COL11A2: variants seen among roughly 807,000 people sequenced by gnomAD.
COL11A2 encodes the protein collagen type XI alpha 2 chain.
Under a neutral mutation model 273.4 loss-of-function variants are expected in COL11A2, and 116 were observed. The ratio of observed to expected loss-of-function variants is 0.42; its 90% confidence interval spans 0.36 to 0.49. The LOEUF is 0.49. Among genes scored for constraint, COL11A2 ranks in the 20% least tolerant of loss-of-function variants. The pLI is 0.00. For synonymous variants in COL11A2, 782 were observed against 864.2 expected, an observed-to-expected ratio of 0.90 and a Z score of 1.67; for missense variants, 1,866 against 2,309.0, an observed-to-expected ratio of 0.81 and a Z score of 3.93.
intron 11 of COL11A2, 43 bp downstream of exon 11, chr6:33,180,625 G>A (rs1562365564): frequency 1.3e-6 from 2 of 1,544,158 alleles, no homozygotes; most frequent in Non-Finnish European, 1.8e-6. Flanking sequence ...GATACCACTA[G>A]CTCCCCCGAA....
chr6:33,186,714 T>G lies in COL11A2; in HGVS notation c.711A>C (p.Gln237His). ...ECEGGQRERP[Q>H]NQQPHRAQRS... ...TCTGGGCTCTGTGAGGCTGTTGGTT[T>G]TGGGGTCTTTCCCTCTGGCCCCCCT... The change falls in exon 5 of 66, where the codon CAA becomes CAC. Residue 237 changes from glutamine to histidine, a missense_variant. Transcript: ENST00000341947. The G allele has an allele frequency of 6.2e-7, 1 of 1,610,884 alleles. No individual in the cohort carries two copies. The highest frequency in any genetic ancestry group is 8.5e-7 in the Non-Finnish European group (1 of 1,178,788).
Position 33,176,716 on chromosome 6 carries a change from C to G in COL11A2, c.2115+5G>C. ...CTCAGGGGATAAAGACATGGAAGAT[C>G]TCACCTGGTTTCCTTTGGTTCCAGG... On this transcript the variant is annotated splice_donor_5th_base_variant and intron_variant, in intron 26 of 65. Coordinates refer to ENST00000341947, the MANE Select transcript of COL11A2 (RefSeq NM_080680.3). This position sits in a 1 kb window ranked among gnomAD's most constrained non-coding sequence, Gnocchi z 4.9. The G allele has an allele frequency of 6.2e-7, 1 of 1,612,820 alleles. No homozygotes were observed. Among genetic ancestry groups the G allele is most frequent in the Non-Finnish European group, 8.5e-7 (1 of 1,179,402 alleles).
rs200635355 is a variant in COL11A2, at chr6:33,179,787, C to G, written c.1378G>C (p.Gly460Arg). 1.2e-6 allele frequency: 2 copies of G among 1,611,706 alleles called. No homozygotes were observed. The highest frequency in any genetic ancestry group is 1.7e-6 in the Non-Finnish European group (2 of 1,180,022). ...LMLPFRFGSG[G>R]GDKGPVVAAQ... ...GCCACCACAGGGCCCTTGTCACCCC[C>G]ACCACTGCCAAACCGGAACTGAGGT... The change falls in exon 13 of 66, where the codon GGG (glycine) becomes CGG (arginine). Residue 460 changes from glycine (G) to arginine (R), a missense_variant. By Grantham distance (125) the Gly-to-Arg change is moderately radical. Coordinates refer to ENST00000341947, the MANE Select transcript of COL11A2 (RefSeq NM_080680.3). This position sits in a 1 kb window ranked among gnomAD's most constrained non-coding sequence, Gnocchi z 6.4.
rs144290562 is a variant in COL11A2, at chr6:33,164,309, C to T, written c.5028G>A (p.Pro1676=). The T allele has an allele frequency of 5.0e-5, 80 of 1,612,974 alleles. No individual in the cohort carries two copies. The highest frequency in any genetic ancestry group is 1.1e-4 in the African/African-American group (8 of 75,040). ...ATTCTTTGACATAGGGGCTAGTCTC[C>T]GGGCTCAGCTCATCCTCATTGGCCC... ...LRGANEDELS[P]ETSPYVKEFR... is the part of the protein sequence containing the mutation. The change falls in exon 65 of 66, where the codon CCG becomes CCA. Residue 1676 remains proline, a synonymous_variant. Coordinates refer to ENST00000341947, the MANE Select transcript of COL11A2 (RefSeq NM_080680.3). The surrounding 1 kb of genome is among the most constrained non-coding windows in gnomAD (Gnocchi z 4.7).
chr6:33,180,381 T>A (rs1319405061), intron 11 of COL11A2, 49 bp from the exon 12 acceptor site: 1 of 1,471,078 alleles, frequency 6.8e-7, no homozygotes, highest in Non-Finnish European at 9.5e-7. Context: ...TAAGGGGACA[T>A]CAAGATCTTA....
chr6:33,170,197 G>A lies in COL11A2; in HGVS notation c.3583-97C>T, dbSNP rs954806211. On this transcript the variant is annotated intron_variant, in intron 48 of 65. Coordinates refer to ENST00000341947, the MANE Select transcript of COL11A2 (RefSeq NM_080680.3). The surrounding 1 kb of genome is among the most constrained non-coding windows in gnomAD (Gnocchi z 4.3). ...AGCAGCCCAAGGTTACAGCAGTGAG[G>A]CAGTGGAGGCCTCCCGGGAGTAAGG... 1.3e-6 allele frequency: 2 copies of A among 1,577,398 alleles called. No homozygotes were observed. Among genetic ancestry groups the A allele is most frequent in the Admixed American group, 1.7e-5 (1 of 59,672 alleles).
Position 33,168,960 on chromosome 6 carries a change from G to A in COL11A2, c.3847C>T (p.Pro1283Ser), listed in dbSNP as rs747418177. The change falls in exon 52 of 66, where the codon CCT becomes TCT. Residue 1283 changes from proline (P) to serine (S), a missense_variant. By Grantham distance (74) the Pro-to-Ser change is moderately conservative. Transcript: ENST00000341947. Reference sequence around the variant, plus strand: ...CTTCTCTGAGTAAGACTCACCCGAGGGCCACCTTCTCCAGGGGGGCCAGGG... The same window carrying A: ...CTTCTCTGAGTAAGACTCACCCGAGAGCCACCTTCTCCAGGGGGGCCAGGG... ...GDPGPPGEGGPRGQDGAKGDR... is the reference protein window; with the variant it reads ...GDPGPPGEGGSRGQDGAKGDR... The A allele has an allele frequency of 6.2e-7, 1 of 1,609,366 alleles. No individual in the cohort carries two copies. Among genetic ancestry groups the A allele is most frequent in the Non-Finnish European group, 8.5e-7 (1 of 1,178,266 alleles).
chr6:33,170,312 C>T lies in COL11A2; in HGVS notation c.3582+14G>A. ...ACACATTGGTCTCAAGGGACAGGGG[C>T]TGAGATGACTCACATCAGCGCCATT... is the stretch of plus-strand genomic sequence containing the variant. On this transcript the variant is annotated intron_variant, in intron 48 of 65. Transcript: ENST00000341947. This position sits in a 1 kb window ranked among gnomAD's most constrained non-coding sequence, Gnocchi z 4.3. 6.2e-7 allele frequency: 1 copy of T among 1,612,804 alleles called. No individual in the cohort carries two copies. Among genetic ancestry groups the T allele is most frequent in the Non-Finnish European group, 8.5e-7 (1 of 1,179,566 alleles).
At position 33,167,440 on chromosome 6, in the gene COL11A2, GC is replaced by G; in HGVS notation, c.4107del (p.Leu1370SerfsTer49). On this transcript the variant is annotated frameshift_variant, in exon 56 of 66. Transcript: ENST00000341947. LOFTEE classifies it high-confidence loss of function. The surrounding 1 kb of genome is among the most constrained non-coding windows in gnomAD (Gnocchi z 6.1). ...CAGTGACTCACCACTGAGCCTGGGA[GC>G]CCCCTCAGACCATCAGGGCCAGGTT... is the stretch of plus-strand genomic sequence containing the variant. ...AGKPGPDGLRGLPGSVGQQGR... is the reference protein window; with the variant it reads ...AGKPGPDGLRXLPGSVGQQGR... The G allele has an allele frequency of 6.2e-7, 1 of 1,612,860 alleles. No homozygotes were observed. Among genetic ancestry groups the G allele is most frequent in the Non-Finnish European group, 8.5e-7 (1 of 1,180,008 alleles).
chr6:33,168,683 TG>T, intron 53 of COL11A2, 22 bp downstream of exon 53: 1 of 1,586,112 alleles, frequency 6.3e-7, no homozygotes, highest in Non-Finnish European at 8.6e-7. Context: ...CTCAGGGGGG[TG>T]GTGGGGTCAC....
At position 33,171,495 on chromosome 6, in the gene COL11A2, G is replaced by A; in HGVS notation, c.3230C>T (p.Pro1077Leu). ...PVGLPGPAGP[P>L]GVAGEDGDKG... ...GTCTCCATCCTCTCCAGCCACACCT[G>A]GAGGCCCAGCAGGACCAGGAAGCCC... Residue 1077 changes from proline (P) to leucine (L), a missense_variant, in exon 43 of 66, where the codon CCA becomes CTA. By Grantham distance (98) the Pro-to-Leu change is moderately conservative. Coordinates refer to ENST00000341947, the MANE Select transcript of COL11A2 (RefSeq NM_080680.3). 6.2e-7 allele frequency: 1 copy of A among 1,613,854 alleles called. No homozygotes were observed. Among genetic ancestry groups the A allele is most frequent in the Non-Finnish European group, 8.5e-7 (1 of 1,179,910 alleles).
At position 33,164,404 on chromosome 6, in the gene COL11A2, C is replaced by T. The variant is rs556677734; in HGVS notation, c.4933G>A (p.Val1645Ile). ...TAGGAGACGTCCTGGTGGGCTGAGA[C>T]GCTGAGCAGCCGCAGGAAGGTGAGC... Reference protein sequence around the residue: ...VQLTFLRLLSVSAHQDVSYPC... With the variant: ...VQLTFLRLLSISAHQDVSYPC... The change falls in exon 65 of 66, where the codon GTC becomes ATC. Residue 1645 changes from valine (V) to isoleucine (I), a missense_variant. Transcript: ENST00000341947. The surrounding 1 kb of genome is among the most constrained non-coding windows in gnomAD (Gnocchi z 4.7). 23 of 1,603,338 alleles carry T rather than the reference C, an allele frequency of 1.4e-5. No individual in the cohort carries two copies. In the East Asian group the frequency reaches 1.8e-4, roughly 13 times the overall value.
chr6:33,173,119 C>T lies in COL11A2; in HGVS notation c.2737-6G>A, dbSNP rs1247001091. 2.5e-6 allele frequency: 4 copies of T among 1,610,954 alleles called. No individual in the cohort carries two copies. The highest frequency in any genetic ancestry group is 2.7e-5 in the African/African-American group (2 of 74,746). ...CCGGTCTTCCCTTGGAAACCCTAGG[C>T]GAGGAAGAGAGGAGAATGCAGTGAA... On this transcript the variant is annotated splice_region_variant and splice_polypyrimidine_tract_variant and intron_variant, in intron 37 of 65. Coordinates refer to ENST00000341947, the MANE Select transcript of COL11A2 (RefSeq NM_080680.3). The surrounding 1 kb of genome is among the most constrained non-coding windows in gnomAD (Gnocchi z 6.3).
At position 33,177,070 on chromosome 6, in the gene COL11A2, G is replaced by A; in HGVS notation, c.2017-25C>T. 1 of 1,612,584 alleles carries A rather than the reference G, an allele frequency of 6.2e-7. No individual in the cohort carries two copies. The highest frequency in any genetic ancestry group is 8.5e-7 in the Non-Finnish European group (1 of 1,179,826). The stretch of plus-strand genomic sequence containing the variant: ...CCTGCAGGAAGACAAAGAGGCTCAG[G>A]GTCACTAGAGGGGTCATGTCTGGAC... On this transcript the variant is annotated intron_variant, in intron 24 of 65. Coordinates refer to ENST00000341947, the MANE Select transcript of COL11A2 (RefSeq NM_080680.3). This position sits in a 1 kb window ranked among gnomAD's most constrained non-coding sequence, Gnocchi z 5.9.
rs377242569 is a variant in COL11A2, at chr6:33,171,151, G to A, written c.3329C>T (p.Pro1110Leu). 2 of 1,600,840 alleles carry A rather than the reference G, an allele frequency of 1.2e-6. No individual in the cohort carries two copies. Among genetic ancestry groups the A allele is most frequent in the African/African-American group, 1.3e-5 (1 of 74,536 alleles). Residue 1110 changes from proline (P) to leucine (L), a missense_variant, in exon 45 of 66, where the codon CCT becomes CTT. Pro to Leu is a moderately conservative substitution (Grantham distance 98). Transcript: ENST00000341947. The part of the protein sequence containing the change: ...NKGEHGPPGP[P>L]GPIGPVGQPG... ...CTGCCCCACAGGACCAATGGGTCCA[G>A]GGGGTCCAGGAGGGCCCTGGGTAAG... is the stretch of plus-strand genomic sequence containing the variant.
chr6:33,169,774 G>C lies in COL11A2; in HGVS notation c.3690+57C>G. The C allele has an allele frequency of 6.2e-7, 1 of 1,603,438 alleles. No homozygotes were observed. Among genetic ancestry groups the C allele is most frequent in the Non-Finnish European group, 8.5e-7 (1 of 1,170,414 alleles). ...CAAGGAGGTCACAGGAAAAGTGGAG[G>C]CAGGGTTGAGGCGGGTGACGGGGAC... On this transcript the variant is annotated intron_variant, in intron 50 of 65. Coordinates refer to ENST00000341947, the MANE Select transcript of COL11A2 (RefSeq NM_080680.3). The surrounding 1 kb of genome is among the most constrained non-coding windows in gnomAD (Gnocchi z 5.5).
intron 12 of COL11A2, among the ~76,000 whole-genome samples, chr6:33,180,031 C>T (rs960839490): frequency 2.0e-5 from 3 of 152,166 alleles, no homozygotes; most frequent in Non-Finnish European, 4.4e-5. Context: ...TCTAGAGCTC[C>T]TGAAATATAG....
chr6:33,163,612 A>C lies in COL11A2; in HGVS notation c.*66T>G. 6 of 1,610,384 alleles carry C rather than the reference A, an allele frequency of 3.7e-6. No homozygotes were observed. Among genetic ancestry groups the C allele is most frequent in the Non-Finnish European group, 5.1e-6 (6 of 1,177,664 alleles). ...GAGGAGCCCTCTTGGGAGGTGGCAC[A>C]GAGCTGATGTTGTGGGATTCCAGGT... On this transcript the variant is annotated 3_prime_UTR_variant, in exon 66 of 66. Transcript: ENST00000341947. This position sits in a 1 kb window ranked among gnomAD's most constrained non-coding sequence, Gnocchi z 4.1.
Position 33,174,689 on chromosome 6 carries a change from C to T in COL11A2, c.2377-109G>A. The T allele has an allele frequency of 3.1e-6, 3 of 957,056 alleles. No homozygotes were observed. In the South Asian group the frequency reaches 4.1e-5, roughly 13 times the overall value. The allele number at this position is 957,056 out of a possible 1,614,324, so 59.3% of individuals were successfully genotyped here. A position where few individuals can be genotyped will look rare whatever the true frequency, so the allele number is the denominator to read the frequency against. ...CAGCCAGCCCCCACCCAGCAACACACCCCACACACCCCAGCCTCTAGCCCC... is the reference window on the plus strand; with the variant it reads ...CAGCCAGCCCCCACCCAGCAACACATCCCACACACCCCAGCCTCTAGCCCC... On this transcript the variant is annotated intron_variant, in intron 30 of 65. Transcript: ENST00000341947.
Sources: allele counts gnomAD v4.1 joint callset (sites outside exome capture counted in the v4.1 genomes callset), GRCh38; gene constraint gnomAD v4.1.1; non-coding constraint Gnocchi (gnomAD v3.1); transcripts MANE v1.5; gene names NCBI Gene and HGNC (gene_info 2026-07-23, HGNC 2026-07-21).